Variants in SETD1B observed in about 807,000 individuals in gnomAD.
SETD1B encodes histone-lysine N-methyltransferase SETD1B.
Under a neutral mutation model 148.0 loss-of-function variants are expected in SETD1B, and 7 were observed. That is an observed-to-expected ratio of 0.05 (90% CI 0.03 to 0.09). The LOEUF is 0.09. Ranked by LOEUF, SETD1B falls within the 10% of genes least tolerant of loss-of-function variation. The pLI is 1.00. For missense variants in SETD1B, 2,155 were observed against 2,729.9 expected, an observed-to-expected ratio of 0.79 and a Z score of 4.69; for synonymous variants, 1,361 against 1,186.5, an observed-to-expected ratio of 1.15 and a Z score of -3.02.
Position 121,808,423 on chromosome 12 carries a change from C to G in SETD1B, c.657+103C>G, listed in dbSNP as rs370925122. On this transcript the variant is annotated intron_variant, in intron 5 of 16. Transcript: ENST00000604567. This position sits in a 1 kb window ranked among gnomAD's most constrained non-coding sequence, Gnocchi z 5.3. Reference sequence around the variant, plus strand: ...TCTTATGGGACCCCCAGCCTACCCCCACCTCACTCCAGCTTTGGAGACCAA... The same window carrying G: ...TCTTATGGGACCCCCAGCCTACCCCGACCTCACTCCAGCTTTGGAGACCAA... 326 of 699,082 alleles carry G rather than the reference C, an allele frequency of 4.7e-4. 5 individuals carry two copies. In the South Asian group the frequency reaches 5.5e-3, roughly 12 times the overall value. 43.3% of individuals were successfully genotyped at this position (699,082 alleles called of 1,614,324 possible). A position where few individuals can be genotyped will look rare whatever the true frequency, so the allele number is the denominator to read the frequency against.
chr12:121,796,824 C>T, the SETD1B span, among the ~76,000 whole-genome samples: 1 of 152,116 alleles, frequency 6.6e-6, no homozygotes, highest in Admixed American at 6.5e-5. Context: ...GGCGGATCAC[C>T]TGAGGTCAGT....
chr12:121,791,228 C>T, the SETD1B span, among the ~76,000 whole-genome samples: 4 of 152,132 alleles, frequency 2.6e-5, no homozygotes, highest in African/African-American at 9.7e-5. Flanking sequence ...CGGGTTCAAA[C>T]GATTCTCCTG....
In SETD1B at chr12:121,804,440, T is replaced by G. The variant is rs1411249094; in HGVS notation, c.-15+207T>G. On this transcript the variant is annotated intron_variant, in intron 1 of 16. Transcript: ENST00000604567. This position sits in a 1 kb window ranked among gnomAD's most constrained non-coding sequence, Gnocchi z 4.6. ...CGGGCACCATGGGCCGGAGTCCGCG[T>G]CCTCCGGGCGCCCCGGGCCCCGCCA... Among the ~76,000 whole-genome samples, 1 of 147,790 alleles carries G rather than the reference T, an allele frequency of 6.8e-6. No individual in the cohort carries two copies. Among genetic ancestry groups the G allele is most frequent in the Non-Finnish European group, 1.5e-5 (1 of 66,704 alleles).
At position 121,830,432 on chromosome 12, in the gene SETD1B, C is replaced by A; in HGVS notation, c.*193C>A. Reference sequence around the variant, plus strand: ...GCTCCGGCCCCTCCGCGGGAAAGGGCTTCTCTGTCGTTCAGCCCACGTCTC... The same window carrying A: ...GCTCCGGCCCCTCCGCGGGAAAGGGATTCTCTGTCGTTCAGCCCACGTCTC... On this transcript the variant is annotated 3_prime_UTR_variant, in exon 17 of 17. Coordinates refer to ENST00000604567, the MANE Select transcript of SETD1B (RefSeq NM_001353345.2). This position sits in a 1 kb window ranked among gnomAD's most constrained non-coding sequence, Gnocchi z 5.7. The A allele has an allele frequency of 1.8e-6, 1 of 553,198 alleles. No homozygotes were observed. The highest frequency in any genetic ancestry group is 3.2e-6 in the Non-Finnish European group (1 of 312,156). 34.3% of individuals were successfully genotyped at this position (553,198 alleles called of 1,614,324 possible).
In SETD1B at chr12:121,805,768, G is replaced by T; in HGVS notation, c.274-67G>T. 1 of 1,436,902 alleles carries T rather than the reference G, an allele frequency of 7.0e-7. No homozygotes were observed. Among genetic ancestry groups the T allele is most frequent in the South Asian group, 1.4e-5 (1 of 72,794 alleles). The allele number at this position is 1,436,902 out of a possible 1,614,324, so 89.0% of individuals were successfully genotyped here. A position where few individuals can be genotyped will look rare whatever the true frequency, so the allele number is the denominator to read the frequency against. On this transcript the variant is annotated intron_variant, in intron 3 of 16. Coordinates refer to ENST00000604567, the MANE Select transcript of SETD1B (RefSeq NM_001353345.2). The surrounding 1 kb of genome is among the most constrained non-coding windows in gnomAD (Gnocchi z 4.2). ...GTGGGCGAGTTGCGGGCGGGGCGGG[G>T]GGGATGTTGTGTTTTCCCTTAGGTT...
chr12:121,797,000 G>C, the SETD1B span, among the ~76,000 whole-genome samples: 1 of 150,912 alleles, frequency 6.6e-6, no homozygotes, highest in Admixed American at 6.6e-5. Flanking sequence ...TCACACCATT[G>C]CCTGGGCAAC....
At position 121,830,035 on chromosome 12, in the gene SETD1B, G is replaced by A. The variant is rs1393977964; in HGVS notation, c.5728-31G>A. ...GTGGTGGGGGACCCTGGGGGACCAG[G>A]GGCTCATTCTCCCCCCCACCTTGCC... On this transcript the variant is annotated intron_variant, in intron 16 of 16. Coordinates refer to ENST00000604567, the MANE Select transcript of SETD1B (RefSeq NM_001353345.2). This position sits in a 1 kb window ranked among gnomAD's most constrained non-coding sequence, Gnocchi z 5.7. The A allele has an allele frequency of 9.1e-6, 14 of 1,538,638 alleles. No homozygotes were observed. The highest frequency in any genetic ancestry group is 4.1e-5 in the African/African-American group (3 of 72,798).
At position 121,810,599 on chromosome 12, in the gene SETD1B, C is replaced by G. The variant is rs376158054; in HGVS notation, c.1654C>G (p.Pro552Ala). The change falls in exon 6 of 17, where the codon CCA (proline) becomes GCA (alanine). Residue 552 changes from proline (P) to alanine (A), a missense_variant. Coordinates refer to ENST00000604567, the MANE Select transcript of SETD1B (RefSeq NM_001353345.2). The surrounding 1 kb of genome is among the most constrained non-coding windows in gnomAD (Gnocchi z 7.6). ...GGCCCCCTTTGGCACCAACTCCCAG[C>G]CAGGCTTCCGGGGCCCCACGCCCCC... ...PLAPFGTNSQ[P>A]GFRGPTPPSS... is the part of the protein sequence containing the mutation. The G allele has an allele frequency of 6.5e-7, 1 of 1,548,408 alleles. No homozygotes were observed. The highest frequency in any genetic ancestry group is 8.7e-7 in the Non-Finnish European group (1 of 1,146,698).
intron 7 of SETD1B, 26 bp downstream of exon 7, chr12:121,814,956 C>A: frequency 6.6e-7 from 1 of 1,512,878 alleles, no homozygotes. Flanking sequence ...CAGGGCTCTG[C>A]AGGGTGGCTG....
At position 121,822,661 on chromosome 12, in the gene SETD1B, C is replaced by G; in HGVS notation, c.4082C>G (p.Pro1361Arg). Residue 1361 changes from proline (P) to arginine (R), a missense_variant, in exon 12 of 17, where the codon CCG becomes CGG. Pro to Arg is a moderately radical substitution (Grantham distance 103). Around this residue, in one of 11 missense-constraint regions of SETD1B, gnomAD observed 862 missense variants for 873.8 expected, o/e 0.99. Coordinates refer to ENST00000604567, the MANE Select transcript of SETD1B (RefSeq NM_001353345.2). ...PPEPLAEDHPPHTPGLCGSLA... is the reference protein window; with the variant it reads ...PPEPLAEDHPRHTPGLCGSLA... ...GAGCCCCTTGCCGAGGACCACCCCC[C>G]GCATACTCCAGGCCTCTGTGGCAGC... The G allele has an allele frequency of 4.5e-6, 7 of 1,550,564 alleles. No homozygotes were observed. Among genetic ancestry groups the G allele is most frequent in the East Asian group, 2.4e-5 (1 of 40,892 alleles).
At chr12:121,806,333 C>G (rs1875739409) in intron 4 of SETD1B, among the ~76,000 whole-genome samples, 1 of 152,054 alleles carries the variant, frequency 6.6e-6, no homozygotes, top group South Asian at 2.1e-4. Context: ...TTGGCCACCG[C>G]ACCCCTAGGG....
chr12:121,817,852 G>C lies in SETD1B; in HGVS notation c.3366G>C (p.Glu1122Asp). Residue 1122 changes from glutamate (E) to aspartate (D), a missense_variant, in exon 10 of 17, where the codon GAG (glutamate) becomes GAC (aspartate). Physicochemically the swap from Glu to Asp is conservative, Grantham distance 45 (BLOSUM62 2). This residue lies in a region of SETD1B where 862 missense variants were observed against 873.8 expected (regional missense o/e 0.99). Transcript: ENST00000604567. This position sits in a 1 kb window ranked among gnomAD's most constrained non-coding sequence, Gnocchi z 8.1. ...GGGACGAGTCTGAGAACGATGACGAGGACACAGCCCTGTCAGAGGCGAGTG... is the reference window on the plus strand; with the variant it reads ...GGGACGAGTCTGAGAACGATGACGACGACACAGCCCTGTCAGAGGCGAGTG... The part of the protein sequence containing the change: ...DDRDESENDD[E>D]DTALSEASEK... 1 of 1,551,154 alleles carries C rather than the reference G, an allele frequency of 6.4e-7. No homozygotes were observed. The highest frequency in any genetic ancestry group is 8.7e-7 in the Non-Finnish European group (1 of 1,146,792).
chr12:121,820,949 C>T (rs1054630575), intron 11 of SETD1B, among the ~76,000 whole-genome samples: 7 of 152,152 alleles, frequency 4.6e-5, no homozygotes, highest in East Asian at 1.9e-4. Flanking sequence ...CGGAAAAGAC[C>T]GGTGGGATGC....
chr12:121,823,838 A>C, intron 12 of SETD1B, 89 bp downstream of exon 12: 1 of 1,451,458 alleles, frequency 6.9e-7, no homozygotes, highest in Non-Finnish European at 9.1e-7. Flanking sequence ...AGTCTGTAGC[A>C]GCCCGCGGTG....
At position 121,805,468 on chromosome 12, in the gene SETD1B, G is replaced by A. The variant is rs1875689832; in HGVS notation, c.273+252G>A. 6.6e-6 allele frequency among the ~76,000 whole-genome samples: 1 copy of A among 152,152 alleles called. No individual in the cohort carries two copies. The highest frequency in any genetic ancestry group is 2.1e-4 in the South Asian group (1 of 4,832). On this transcript the variant is annotated intron_variant, in intron 3 of 16. Transcript: ENST00000604567. This position sits in a 1 kb window ranked among gnomAD's most constrained non-coding sequence, Gnocchi z 4.2. ...CACGCCCCGCGGGGGGCTCGGCTCC[G>A]AGACTCTCCCCTCTCGCTAGCCCAC... is the stretch of plus-strand genomic sequence containing the variant.
In SETD1B at chr12:121,805,402, A is replaced by G. The variant is rs1026684857; in HGVS notation, c.273+186A>G. ...TCTCAGCTACTGAAAACAAAATAAC[A>G]CTGGGTGAAACTGTAATCACGGCGC... On this transcript the variant is annotated intron_variant, in intron 3 of 16. Coordinates refer to ENST00000604567, the MANE Select transcript of SETD1B (RefSeq NM_001353345.2). This position sits in a 1 kb window ranked among gnomAD's most constrained non-coding sequence, Gnocchi z 4.2. Among the ~76,000 whole-genome samples the G allele has an allele frequency of 1.3e-5, 2 of 151,798 alleles. No homozygotes were observed. The highest frequency in any genetic ancestry group is 4.8e-5 in the African/African-American group (2 of 41,316).
the SETD1B span, among the ~76,000 whole-genome samples, chr12:121,794,713 ACTC>A: frequency 1.3e-5 from 2 of 149,956 alleles, no homozygotes; most frequent in Non-Finnish European, 3.0e-5. Context: ...CCCTCCTCTT[ACTC>A]CTCACCCTGG....
Position 121,822,613 on chromosome 12 carries a change from C to G in SETD1B, c.4034C>G (p.Ala1345Gly). 1 of 1,551,350 alleles carries G rather than the reference C, an allele frequency of 6.4e-7. No homozygotes were observed. Among genetic ancestry groups the G allele is most frequent in the East Asian group, 2.4e-5 (1 of 40,894 alleles). ...CCGCCGGAGCCTGAGACCACAGATG[C>G]CTCACACCCATCTGTCCCTCCGGAG... Reference protein sequence around the residue: ...SPPPEPETTDASHPSVPPEPL... With the variant: ...SPPPEPETTDGSHPSVPPEPL... The change falls in exon 12 of 17, where the codon GCC becomes GGC. Residue 1345 changes from alanine to glycine, a missense_variant. By Grantham distance (60) the Ala-to-Gly change is moderately conservative (BLOSUM62 0). Transcript: ENST00000604567.
Position 121,827,785 on chromosome 12 carries a change from C to A in SETD1B, c.5520C>A (p.Gly1840=), listed in dbSNP as rs1876909869. The A allele has an allele frequency of 3.2e-6, 5 of 1,555,256 alleles. No homozygotes were observed. In the South Asian group the frequency reaches 5.9e-5, roughly 18 times the overall value. ...GCAAGAGCCACATTCACGACTGGGG[C>A]TTGTTCGCCATGGAGCCCATCGCGG... is the stretch of plus-strand genomic sequence containing the variant. ...KFCKSHIHDW[G]LFAMEPIAAD... The change falls in exon 15 of 17, where the codon GGC becomes GGA. Residue 1840 remains glycine (G), a synonymous_variant. Transcript: ENST00000604567.
Sources: allele counts gnomAD v4.1 joint callset (sites outside exome capture counted in the v4.1 genomes callset), GRCh38; gene constraint gnomAD v4.1.1; regional missense constraint gnomAD v4.1.1; non-coding constraint Gnocchi (gnomAD v3.1); transcripts MANE v1.5; gene names NCBI Gene and HGNC (gene_info 2026-07-23, HGNC 2026-07-21).